The following PPL variants were observed in gnomAD, a reference collection of about 807,000 sequenced individuals.
The protein encoded by PPL is 190 kDa paraneoplastic pemphigus antigen.
PPL carries 198 observed loss-of-function variants against 194.4 expected under a neutral mutation model. The observed-to-expected ratio is 1.02, with a 90% confidence interval of 0.91 to 1.15. The LOEUF is 1.15. Among genes scored for constraint, PPL ranks in the 50% most tolerant of loss-of-function variants. The pLI, the probability that PPL is intolerant of heterozygous loss-of-function variation, is 0.00. For synonymous variants in PPL, 1,220 were observed against 972.4 expected (o/e 1.25, Z -4.74); for missense variants, 2,885 against 2,294.8 (o/e 1.26, Z -5.25).
In PPL at chr16:4,895,400, T is replaced by G. The variant is rs1371642163; in HGVS notation, c.1103A>C (p.Glu368Ala). Residue 368 changes from glutamate (E) to alanine (A), a missense_variant, in exon 11 of 22, where the codon GAG (glutamate) becomes GCG (alanine). Coordinates refer to ENST00000345988, the MANE Select transcript of PPL (RefSeq NM_002705.5). ...ELLLRELDDQ[E>A]KVLDKYEDVV... Reference sequence around the variant, plus strand: ...GTCCTCATACTTGTCCAGCACCTTCTCCTGGTCCTGGAGAGAACGGGGTCA... The same window carrying G: ...GTCCTCATACTTGTCCAGCACCTTCGCCTGGTCCTGGAGAGAACGGGGTCA... 2 of 1,605,844 alleles carry G rather than the reference T, an allele frequency of 1.2e-6. No homozygotes were observed. Among genetic ancestry groups the G allele is most frequent in the African/African-American group, 2.7e-5 (2 of 74,864 alleles).
rs147027769 is a variant in PPL, at chr16:4,894,499, G to T, written c.1362C>A (p.Pro454=). The T allele has an allele frequency of 1.5e-5, 24 of 1,613,630 alleles. No homozygotes were observed. The highest frequency in any genetic ancestry group is 1.7e-4 in the Middle Eastern group (1 of 6,060). ...IAPAVCFVIP[P]TDPEALALAD... ...CCAGAGCCAGGGCCTCAGGGTCTGT[G>T]GGGGGGATCACAAAACACACGGCCG... The change falls in exon 12 of 22, where the codon CCC becomes CCA. Residue 454 remains proline, a synonymous_variant. Coordinates refer to ENST00000345988, the MANE Select transcript of PPL (RefSeq NM_002705.5).
At chr16:4,906,644 G>T (rs954162640) in intron 2 of PPL, among the ~76,000 whole-genome samples, 1 of 152,220 alleles carries the variant, frequency 6.6e-6, no homozygotes, top group Non-Finnish European at 1.5e-5. Flanking sequence ...AAGGTGCCCG[G>T]TGGGAATGCA....
intron 1 of PPL, among the ~76,000 whole-genome samples, chr16:4,920,252 C>G (rs1211792544): frequency 6.7e-6 from 1 of 149,966 alleles, no homozygotes; most frequent in Non-Finnish European, 1.5e-5. Flanking sequence ...TCACTGCACT[C>G]CAGTCTGGCA....
rs781121745 is a variant in PPL, at chr16:4,892,224, C to G, written c.1651-11G>C. 6.2e-7 allele frequency: 1 copy of G among 1,604,000 alleles called. No homozygotes were observed. Among genetic ancestry groups the G allele is most frequent in the Non-Finnish European group, 8.5e-7 (1 of 1,172,510 alleles). ...CTCGTTGGTGATGTTCTGTGGGAAC[C>G]AGGGCCCCTCAGTTTTGGACACAGC... On this transcript the variant is annotated splice_polypyrimidine_tract_variant and intron_variant, in intron 14 of 21. Coordinates refer to ENST00000345988, the MANE Select transcript of PPL (RefSeq NM_002705.5).
chr16:4,933,795 C>T (rs2089256095), intron 1 of PPL, among the ~76,000 whole-genome samples: 1 of 152,214 alleles, frequency 6.6e-6, no homozygotes, highest in Non-Finnish European at 1.5e-5. Context: ...GTGCTAAAAC[C>T]CAGCAACAGT....
chr16:4,890,080 C>T, intron 18 of PPL, 104 bp downstream of exon 18: 1 of 1,538,112 alleles, frequency 6.5e-7, no homozygotes, highest in Non-Finnish European at 8.9e-7. Flanking sequence ...CAGGCCTCTG[C>T]CCTGCTCCAC....
chr16:4,936,639 G>A (rs1048761012), intron 1 of PPL, among the ~76,000 whole-genome samples: 2 of 152,194 alleles, frequency 1.3e-5, no homozygotes, highest in Non-Finnish European at 2.9e-5. Flanking sequence ...TCCCGGTCCT[G>A]TGCGACCCTC....
intron 2 of PPL, among the ~76,000 whole-genome samples, chr16:4,905,434 C>A (rs920433172): frequency 6.6e-6 from 1 of 152,104 alleles, no homozygotes; most frequent in Non-Finnish European, 1.5e-5. Flanking sequence ...TTGCCTGGGG[C>A]AGGGCTGGGA....
intron 1 of PPL, among the ~76,000 whole-genome samples, chr16:4,929,069 T>C (rs1240718164): frequency 2.2e-5 from 3 of 136,236 alleles, no homozygotes; most frequent in African/African-American, 8.2e-5. Flanking sequence ...CTGGAGCGAG[T>C]CACTCAAACT....
At position 4,884,742 on chromosome 16, in the gene PPL, T is replaced by C. The variant is rs907300373; in HGVS notation, c.3913A>G (p.Lys1305Glu). Residue 1305 changes from lysine (K) to glutamate (E), a missense_variant, in exon 22 of 22, where the codon AAG becomes GAG. Transcript: ENST00000345988. The surrounding 1 kb of genome is among the most constrained non-coding windows in gnomAD (Gnocchi z 5.7). ...ILQFQEDPQT[K>E]EEVASLRAKL... is the part of the protein sequence containing the mutation. The stretch of plus-strand genomic sequence containing the variant: ...GCCCTCAGAGACGCCACCTCCTCCT[T>C]GGTTTGAGGGTCTTCTTGGAATTGG... The C allele has an allele frequency of 1.9e-6, 3 of 1,613,948 alleles. No homozygotes were observed. The African/African-American group carries it at 4.0e-5, about 22-fold the overall frequency.
intron 1 of PPL, among the ~76,000 whole-genome samples, chr16:4,920,363 G>GA (rs1372245946): frequency 1.8e-4 from 13 of 72,230 alleles, no homozygotes; most frequent in African/African-American, 3.5e-4. Context: ...AAGAAAGAAA[G>GA]AAAGAAAGGA....
chr16:4,894,667 C>G, intron 11 of PPL, 49 bp from the exon 12 acceptor site: 2 of 1,587,778 alleles, frequency 1.3e-6, no homozygotes, highest in East Asian at 4.5e-5. Flanking sequence ...GCCTGAGGGC[C>G]TGGGAGCCCG....
rs2734742 is a variant in PPL at position 4,888,159 on chromosome 16, T to G, written c.2457A>C (p.Arg819Ser). ...RSLLDLENGR[R>S]SHVSKRARLQ... Reference sequence around the variant, plus strand: ...GCCTGGCTCTCTTGCTCACGTGGCTTCTCCTTCCATTCTCCAAGTCGAGAA... The same window carrying G: ...GCCTGGCTCTCTTGCTCACGTGGCTGCTCCTTCCATTCTCCAAGTCGAGAA... The change falls in exon 20 of 22, where the codon AGA (arginine) becomes AGC (serine). Residue 819 changes from arginine to serine, a missense_variant. Coordinates refer to ENST00000345988, the MANE Select transcript of PPL (RefSeq NM_002705.5). 0.99 allele frequency: 1,596,199 copies of G among 1,613,864 alleles called. 790,864 individuals are homozygous for G. The highest frequency in any genetic ancestry group is 1 in the East Asian group (44,878 of 44,878).
In PPL at chr16:4,892,022, G is replaced by T; in HGVS notation, c.1829+13C>A. The T allele has an allele frequency of 6.2e-7, 1 of 1,612,208 alleles. No homozygotes were observed. Among genetic ancestry groups the T allele is most frequent in the Non-Finnish European group, 8.5e-7 (1 of 1,178,914 alleles). ...CCCCACCCCAACCTCCATGCTGCCT[G>T]TCTGCCACCCACTTCTCCTGGGCCA... On this transcript the variant is annotated intron_variant, in intron 15 of 21. Coordinates refer to ENST00000345988, the MANE Select transcript of PPL (RefSeq NM_002705.5).
Position 4,883,504 on chromosome 16 carries a change from C to T in PPL, c.5151G>A (p.Lys1717=), listed in dbSNP as rs141735041. The part of the protein sequence containing the change: ...SSVIHDRKSG[K]KFSIEEALQS... ...GCAGGGCCTCTTCGATGGAGAACTT[C>T]TTGCCAGACTTCCTGTCGTGTATCA... Residue 1717 remains lysine, a synonymous_variant, in exon 22 of 22, where the codon AAG becomes AAA. Coordinates refer to ENST00000345988, the MANE Select transcript of PPL (RefSeq NM_002705.5). The surrounding 1 kb of genome is among the most constrained non-coding windows in gnomAD (Gnocchi z 4.8). 2 of 1,614,096 alleles carry T rather than the reference C, an allele frequency of 1.2e-6. No homozygotes were observed. Among genetic ancestry groups the T allele is most frequent in the Non-Finnish European group, 1.7e-6 (2 of 1,180,046 alleles).
At chr16:4,930,580 G>C (rs1568065957) in intron 1 of PPL, among the ~76,000 whole-genome samples, 1 of 152,158 alleles carries the variant, frequency 6.6e-6, no homozygotes, top group Non-Finnish European at 1.5e-5. Context: ...AGTGTCTGGG[G>C]GAAGGCAGCC....
chr16:4,907,306 TCTCACACACACACACA>T (rs1206163741), intron 2 of PPL, among the ~76,000 whole-genome samples: 4 of 88,778 alleles, frequency 4.5e-5, no homozygotes, highest in Admixed American at 1.6e-4. Context: ...ATATATCTAA[TCTCACACACACACACA>T]CACACACACA....
Position 4,883,272 on chromosome 16 carries a change from G to T in PPL, c.*112C>A. On this transcript the variant is annotated 3_prime_UTR_variant, in exon 22 of 22. Coordinates refer to ENST00000345988, the MANE Select transcript of PPL (RefSeq NM_002705.5). The surrounding 1 kb of genome is among the most constrained non-coding windows in gnomAD (Gnocchi z 4.8). Reference sequence around the variant, plus strand: ...CTGAGCAGCCTGGCAGCGAGGGTATGTATAAAATGCTTGGCCTGCACCAGG... The same window carrying T: ...CTGAGCAGCCTGGCAGCGAGGGTATTTATAAAATGCTTGGCCTGCACCAGG... 6.9e-7 allele frequency: 1 copy of T among 1,454,022 alleles called. No homozygotes were observed. Among genetic ancestry groups the T allele is most frequent in the Non-Finnish European group, 9.4e-7 (1 of 1,064,368 alleles). 90.1% of individuals were successfully genotyped at this position (1,454,022 alleles called of 1,614,324 possible).
intron 2 of PPL, among the ~76,000 whole-genome samples, chr16:4,908,265 G>A (rs1312589955): frequency 1.3e-5 from 2 of 152,048 alleles, no homozygotes; most frequent in South Asian, 2.1e-4. Flanking sequence ...AGCTGAGGCA[G>A]GAGGATGGCT....
Sources: allele counts gnomAD v4.1 joint callset (sites outside exome capture counted in the v4.1 genomes callset), GRCh38; gene constraint gnomAD v4.1.1; non-coding constraint Gnocchi (gnomAD v3.1); transcripts MANE v1.5; gene names NCBI Gene and HGNC (gene_info 2026-07-23, HGNC 2026-07-21).